SPAG16: variants seen among roughly 807,000 people sequenced by gnomAD.
SPAG16 encodes sperm associated antigen 16.
SPAG16 carries 86 observed loss-of-function variants against 80.4 expected under a neutral mutation model. That is an observed-to-expected ratio of 1.07 (90% CI 0.90 to 1.28). The LOEUF is 1.28. Ranked by LOEUF, SPAG16 falls within the 50% of genes most tolerant of loss-of-function variation. The pLI is 0.00. For synonymous variants in SPAG16, 294 were observed against 265.9 expected (o/e 1.11, Z -1.03); for missense variants, 870 against 765.3 (o/e 1.14, Z -1.61).
intron 13 of SPAG16, among the ~76,000 whole-genome samples, chr2:214,016,920 G>T (rs6722119): frequency 0.4 from 60,974 of 151,978 alleles, 12,610 homozygotes; most frequent in South Asian, 0.69. Context: ...AAACATGATT[G>T]ATATAAATAA....
chr2:213,519,780 A>C (rs896020181), intron 10 of SPAG16, among the ~76,000 whole-genome samples: 1 of 152,138 alleles, frequency 6.6e-6, no homozygotes, highest in Non-Finnish European at 1.5e-5. Flanking sequence ...AAAAAAATGA[A>C]AGCACACATG....
At chr2:213,733,220 G>GTT (rs57605351) in intron 10 of SPAG16, among the ~76,000 whole-genome samples, 66,599 of 149,262 alleles carry the variant, frequency 0.45, 16,215 homozygotes, top group Non-Finnish European at 0.55. Context: ...TAATGGGGTT[G>GTT]TTTTTTTTTT....
chr2:214,364,589 G>T (rs553695393), intron 15 of SPAG16, among the ~76,000 whole-genome samples: 1 of 152,266 alleles, frequency 6.6e-6, no homozygotes, highest in South Asian at 2.1e-4. Context: ...CACAGGGTTG[G>T]ATATTGGGAT....
chr2:214,017,969 CATT>C (rs1189544664), intron 13 of SPAG16, among the ~76,000 whole-genome samples: 5 of 151,824 alleles, frequency 3.3e-5, no homozygotes, highest in Non-Finnish European at 7.4e-5. Context: ...ATAAATGCAT[CATT>C]AATTAGAAAT....
chr2:214,144,819 C>A (rs1480011033), intron 14 of SPAG16, among the ~76,000 whole-genome samples: 2 of 151,866 alleles, frequency 1.3e-5, no homozygotes, highest in African/African-American at 4.8e-5. Flanking sequence ...CAAGTTGAAC[C>A]AAGAAACTAC....
At chr2:213,834,091 T>G (rs929868212) in intron 10 of SPAG16, among the ~76,000 whole-genome samples, 1 of 152,132 alleles carries the variant, frequency 6.6e-6, no homozygotes, top group Admixed American at 6.5e-5. Context: ...GGGTTTCTGC[T>G]TTTGCTTCTT....
intron 10 of SPAG16, among the ~76,000 whole-genome samples, chr2:213,796,650 T>C (rs1410710873): frequency 6.6e-6 from 1 of 152,194 alleles, no homozygotes; most frequent in Non-Finnish European, 1.5e-5. Flanking sequence ...GCACAATGCA[T>C]TACTTATGTG....
chr2:214,190,412 C>T (rs1001163043), intron 15 of SPAG16, among the ~76,000 whole-genome samples: 6 of 152,108 alleles, frequency 3.9e-5, no homozygotes, highest in South Asian at 4.2e-4. Context: ...ATTTTGAAAA[C>T]GAATATATAC....
chr2:213,507,163 A>G (rs771583527), intron 10 of SPAG16, among the ~76,000 whole-genome samples: 6 of 152,178 alleles, frequency 3.9e-5, no homozygotes, highest in Non-Finnish European at 7.4e-5. Flanking sequence ...ACTGATAATG[A>G]AAGGAGAGGG....
chr2:214,085,911 T>A (rs1166805597), intron 13 of SPAG16, among the ~76,000 whole-genome samples: 3 of 152,210 alleles, frequency 2.0e-5, no homozygotes, highest in African/African-American at 7.2e-5. Flanking sequence ...CTCCCCTACA[T>A]CTTTGATTTG....
intron 10 of SPAG16, among the ~76,000 whole-genome samples, chr2:213,501,840 A>AT (rs2074756343): frequency 6.6e-6 from 1 of 152,198 alleles, no homozygotes; most frequent in South Asian, 2.1e-4. Flanking sequence ...AATTTTATCG[A>AT]TTTTAATCTT....
intron 8 of SPAG16, among the ~76,000 whole-genome samples, chr2:213,368,987 C>T (rs370556511): frequency 5.3e-5 from 8 of 152,032 alleles, no homozygotes; most frequent in African/African-American, 1.2e-4. Context: ...GGCCATACTG[C>T]GCGAGAAAAT....
In SPAG16 at chr2:214,007,444, A is replaced by C. The variant is rs915159097; in HGVS notation, c.1401-6507A>C. On this transcript the variant is annotated intron_variant, in intron 12 of 15. Coordinates refer to ENST00000331683, the MANE Select transcript of SPAG16 (RefSeq NM_024532.5). The stretch of plus-strand genomic sequence containing the variant: ...GACTCTATCTCTACAAAAAAAAAAA[A>C]TGTGTGAAATTAAAAAGTTTGGTAT... Among the ~76,000 whole-genome samples, 6 of 152,232 alleles carry C rather than the reference A, an allele frequency of 3.9e-5. No homozygotes were observed. The Middle Eastern group carries it at 0.01, about 259-fold the overall frequency.
At chr2:214,028,109 G>A (rs184371807) in intron 13 of SPAG16, among the ~76,000 whole-genome samples, 15 of 151,920 alleles carry the variant, frequency 9.9e-5, no homozygotes, top group South Asian at 4.2e-4. Context: ...GCATACTACT[G>A]TGCCTAAATT....
At chr2:213,335,160 A>G (rs938281124) in intron 5 of SPAG16, among the ~76,000 whole-genome samples, 1 of 152,198 alleles carries the variant, frequency 6.6e-6, no homozygotes, top group Non-Finnish European at 1.5e-5. Flanking sequence ...GAAGTTTGTA[A>G]TATTTTGGAA....
chr2:213,289,367 T>C (rs2062180982), intron 1 of SPAG16, among the ~76,000 whole-genome samples: 1 of 152,242 alleles, frequency 6.6e-6, no homozygotes. Context: ...TTTCCAGTTA[T>C]GAAGGTAGAA....
intron 10 of SPAG16, among the ~76,000 whole-genome samples, chr2:213,831,762 TG>T (rs141767831): frequency 0.015 from 2,276 of 152,220 alleles, 60 homozygotes; most frequent in African/African-American, 0.052. Flanking sequence ...TAATCATAAA[TG>T]ACATTTAGCA....
chr2:213,943,068 G>T (rs1302396295), intron 12 of SPAG16, among the ~76,000 whole-genome samples: 1 of 152,148 alleles, frequency 6.6e-6, no homozygotes, highest in South Asian at 2.1e-4. Context: ...ACCAGGCACT[G>T]GATCTTCTGG....
intron 10 of SPAG16, among the ~76,000 whole-genome samples, chr2:213,722,374 A>G (rs955380260): frequency 3.3e-5 from 5 of 152,174 alleles, no homozygotes; most frequent in Non-Finnish European, 7.3e-5. Context: ...CATTCCTTGA[A>G]ATGTGTTCTC....
Sources: allele counts gnomAD v4.1 joint callset (sites outside exome capture counted in the v4.1 genomes callset), GRCh38; gene constraint gnomAD v4.1.1; transcripts MANE v1.5; gene names NCBI Gene and HGNC (gene_info 2026-07-23, HGNC 2026-07-21).